Variants in CDK6 observed in about 807,000 individuals in gnomAD.
CDK6 encodes the protein cyclin dependent kinase 6, also known as cyclin-dependent kinase 6.
CDK6 carries 6 observed loss-of-function variants against 37.1 expected under a neutral mutation model. The observed-to-expected ratio is 0.16, with a 90% CI of 0.09 to 0.32. CDK6 has a LOEUF of 0.32. Ranked by LOEUF, CDK6 falls within the 10% of genes least tolerant of loss-of-function variation. The pLI, the probability that CDK6 is intolerant of heterozygous loss-of-function variation, is 1.00. For synonymous variants in CDK6, 160 were observed against 161.3 expected, an observed-to-expected ratio of 0.99 and a Z score of 0.06; for missense variants, 224 against 418.9, an observed-to-expected ratio of 0.53 and a Z score of 4.06.
At chr7:92,804,711 G>C (rs1015063621) in intron 2 of CDK6, among the ~76,000 whole-genome samples, 4 of 151,834 alleles carry the variant, frequency 2.6e-5, no homozygotes, top group Non-Finnish European at 4.4e-5. Context: ...TGAATCTCAG[G>C]ACTATCAGCA....
chr7:92,706,756 A>T (rs201697056), intron 4 of CDK6, among the ~76,000 whole-genome samples: 1 of 152,226 alleles, frequency 6.6e-6, no homozygotes. Flanking sequence ...AGCAATTAAT[A>T]CTGCCTATAC....
At chr7:92,775,533 G>A (rs1359726392) in intron 2 of CDK6, among the ~76,000 whole-genome samples, 4 of 152,086 alleles carry the variant, frequency 2.6e-5, no homozygotes, top group African/African-American at 9.7e-5. Flanking sequence ...TTTTGGATGG[G>A]TGAATCCAGT....
intron 2 of CDK6, among the ~76,000 whole-genome samples, chr7:92,829,124 A>G (rs370937130): frequency 1.3e-5 from 2 of 152,270 alleles, no homozygotes; most frequent in East Asian, 1.9e-4. Flanking sequence ...CCTGTTAACA[A>G]TTAGGTTTTC....
intron 2 of CDK6, among the ~76,000 whole-genome samples, chr7:92,788,674 T>C (rs1396075560): frequency 6.6e-6 from 1 of 152,160 alleles, no homozygotes; most frequent in Non-Finnish European, 1.5e-5. Context: ...CACATTGTAA[T>C]TAAACTATGA....
In CDK6 at chr7:92,605,250, C is replaced by T. The variant is rs1367291547; in HGVS notation, c.*9890G>A. The T allele has an allele frequency of 4.3e-6, 1 of 233,300 alleles. No homozygotes were observed. The highest frequency in any genetic ancestry group is 8.5e-6 in the Non-Finnish European group (1 of 117,936). The allele number at this position is 233,300 out of a possible 1,614,324, so 14.5% of individuals were successfully genotyped here. ...AAATACCTACATTTTCATTCTAGCACCCAGTAAGACATCCAGTTTCCAAAG... is the reference window on the plus strand; with the variant it reads ...AAATACCTACATTTTCATTCTAGCATCCAGTAAGACATCCAGTTTCCAAAG... On this transcript the variant is annotated 3_prime_UTR_variant, in exon 8 of 8. Transcript: ENST00000424848.
chr7:92,686,215 T>C (rs1797448973), intron 4 of CDK6, among the ~76,000 whole-genome samples: 1 of 152,176 alleles, frequency 6.6e-6, no homozygotes, highest in Non-Finnish European at 1.5e-5. Context: ...TGATTTCTGA[T>C]TTTGGTGCAC....
chr7:92,648,425 G>C (rs1796498496), intron 5 of CDK6, among the ~76,000 whole-genome samples: 1 of 152,200 alleles, frequency 6.6e-6, no homozygotes, highest in South Asian at 2.1e-4. Flanking sequence ...TAGAGGATAA[G>C]GCTGAAGTAT....
chr7:92,625,094 G>C (rs1220228786), intron 5 of CDK6, among the ~76,000 whole-genome samples: 1 of 151,846 alleles, frequency 6.6e-6, no homozygotes, highest in Admixed American at 6.6e-5. Context: ...CTTTGACTTA[G>C]TTGCTTCATT....
intron 4 of CDK6, among the ~76,000 whole-genome samples, chr7:92,718,636 C>G (rs767957628): frequency 1.2e-4 from 18 of 152,160 alleles, no homozygotes; most frequent in Non-Finnish European, 1.9e-4. Context: ...CGCGCACATT[C>G]ACAGGGCCCA....
intron 5 of CDK6, among the ~76,000 whole-genome samples, chr7:92,625,537 A>AAAAAC (rs959483688): frequency 7.3e-5 from 11 of 150,318 alleles, no homozygotes; most frequent in Middle Eastern, 6.9e-3. Context: ...TTTTGCAAAA[A>AAAAAC]AAAACAAAAC....
intron 4 of CDK6, among the ~76,000 whole-genome samples, chr7:92,690,827 C>G (rs1797584646): frequency 6.6e-6 from 1 of 152,068 alleles, no homozygotes; most frequent in South Asian, 2.1e-4. Flanking sequence ...CCTGGTTTTG[C>G]ATTAAAAATG....
At position 92,606,133 on chromosome 7, in the gene CDK6, C is replaced by G. The variant is rs867916818; in HGVS notation, c.*9007G>C. 1 of 233,380 alleles carries G rather than the reference C, an allele frequency of 4.3e-6. No homozygotes were observed. Among genetic ancestry groups the G allele is most frequent in the African/African-American group, 2.2e-5 (1 of 45,308 alleles). 14.5% of individuals were successfully genotyped at this position (233,380 alleles called of 1,614,324 possible). On this transcript the variant is annotated 3_prime_UTR_variant, in exon 8 of 8. Coordinates refer to ENST00000424848, the MANE Select transcript of CDK6 (RefSeq NM_001145306.2). ...AATGAATTTCAAGTATGAAGAAATACAGTAAAAGTGTGGCCTGTAGATGGA... is the reference window on the plus strand; with the variant it reads ...AATGAATTTCAAGTATGAAGAAATAGAGTAAAAGTGTGGCCTGTAGATGGA...
At chr7:92,626,096 TATTCA>T (rs1364177579) in intron 5 of CDK6, among the ~76,000 whole-genome samples, 27 of 152,046 alleles carry the variant, frequency 1.8e-4, no homozygotes, top group Non-Finnish European at 3.8e-4. Context: ...AATTACCACC[TATTCA>T]AATAACTGGA....
chr7:92,664,525 T>C (rs1184121597), intron 5 of CDK6, among the ~76,000 whole-genome samples: 2 of 152,234 alleles, frequency 1.3e-5, no homozygotes, highest in African/African-American at 4.8e-5. Flanking sequence ...TCACTGTCAG[T>C]TTCTCAGCTA....
In CDK6 at chr7:92,774,560, T is replaced by C. The variant is rs1799798808; in HGVS notation, c.369+136A>G. 8 of 704,856 alleles carry C rather than the reference T, an allele frequency of 1.1e-5. No homozygotes were observed. The South Asian group carries it at 1.5e-4, about 14-fold the overall frequency. 43.7% of individuals were successfully genotyped at this position (704,856 alleles called of 1,614,324 possible). A position where few individuals can be genotyped will look rare whatever the true frequency, so the allele number is the denominator to read the frequency against. ...TGGAATATATCCCAATCTTTGAACA[T>C]TTTCTTTGATTTTTTTAACTATATA... is the stretch of plus-strand genomic sequence containing the variant. On this transcript the variant is annotated intron_variant, in intron 3 of 7. Coordinates refer to ENST00000424848, the MANE Select transcript of CDK6 (RefSeq NM_001145306.2).
At chr7:92,708,616 T>C (rs1291460854) in intron 4 of CDK6, among the ~76,000 whole-genome samples, 1 of 152,168 alleles carries the variant, frequency 6.6e-6, no homozygotes, top group Non-Finnish European at 1.5e-5. Flanking sequence ...AAGTAAAACA[T>C]CTATCATTTA....
intron 4 of CDK6, among the ~76,000 whole-genome samples, chr7:92,672,079 A>G (rs1160403152): frequency 6.8e-6 from 1 of 147,824 alleles, no homozygotes; most frequent in Non-Finnish European, 1.5e-5. Flanking sequence ...CTCAGACTTC[A>G]TCACTATACA....
chr7:92,736,528 G>C (rs761002405), intron 3 of CDK6, among the ~76,000 whole-genome samples: 1 of 152,166 alleles, frequency 6.6e-6, no homozygotes, highest in Non-Finnish European at 1.5e-5. Flanking sequence ...GAGGAAGGCT[G>C]GTATTAGTTT....
chr7:92,613,858 C>T lies in CDK6; in HGVS notation c.*1282G>A, dbSNP rs531221392. ...GACTGCATTAGAGAACATATGTGACCCTGTTAGGTTTGCAGAATCGAGGCC... is the reference window on the plus strand; with the variant it reads ...GACTGCATTAGAGAACATATGTGACTCTGTTAGGTTTGCAGAATCGAGGCC... On this transcript the variant is annotated 3_prime_UTR_variant, in exon 8 of 8. Coordinates refer to ENST00000424848, the MANE Select transcript of CDK6 (RefSeq NM_001145306.2). 1.5e-4 allele frequency: 35 copies of T among 232,980 alleles called. No individual in the cohort carries two copies. The highest frequency in any genetic ancestry group is 2.4e-4 in the Non-Finnish European group (28 of 117,964). 14.4% of individuals were successfully genotyped at this position (232,980 alleles called of 1,614,324 possible).
Sources: gnomAD v4.1 joint callset for allele counts (sites outside exome capture counted in the v4.1 genomes callset) on GRCh38, gnomAD v4.1.1 for gene constraint, MANE v1.5 for transcripts, NCBI Gene and HGNC (gene_info 2026-07-23, HGNC 2026-07-21) for gene names.